OPLAH: variants seen among roughly 807,000 people sequenced by gnomAD.
OPLAH encodes the protein 5-oxoprolinase.
Under a neutral mutation model 122.8 loss-of-function variants are expected in OPLAH, and 103 were observed. That is an observed-to-expected ratio of 0.84 (90% CI 0.71 to 0.99). The LOEUF (loss-of-function observed/expected upper bound fraction) is 0.99, where lower values mean the gene tolerates loss of function less well. Among genes scored for constraint, OPLAH ranks in the 50% least tolerant of loss-of-function variants. The pLI is 0.00. For synonymous variants in OPLAH, 875 were observed against 796.0 expected, an observed-to-expected ratio of 1.10 and a Z score of -1.67; for missense variants, 1,902 against 1,836.5, an observed-to-expected ratio of 1.04 and a Z score of -0.65.
chr8:144,055,747 C>CCACAGGGAGCCT lies in OPLAH; in HGVS notation c.2248+40_2248+41insAGGCTCCCTGTG. 1 of 1,463,738 alleles carries CCACAGGGAGCCT rather than the reference C, an allele frequency of 6.8e-7. No individual in the cohort carries two copies. Among genetic ancestry groups the CCACAGGGAGCCT allele is most frequent in the Non-Finnish European group, 9.1e-7 (1 of 1,101,186 alleles). 90.7% of individuals were successfully genotyped at this position (1,463,738 alleles called of 1,614,324 possible). On this transcript the variant is annotated intron_variant, in intron 16 of 26. Coordinates refer to ENST00000618853, the MANE Select transcript of OPLAH (RefSeq NM_017570.5). The surrounding 1 kb of genome is among the most constrained non-coding windows in gnomAD (Gnocchi z 6.5). ...CCTGCCAGCTACCCCATGACACAGC[C>CCACAGGGAGCCT]GGCGCCTCATCCCACAGGGAGCCTG...
In OPLAH at chr8:144,053,144, G is replaced by T; in HGVS notation, c.2872-15C>A. ...TCAGCGTTTGCCTGGCAGGGAGCAG[G>T]ATCAGTGGTGGCCAGGTCACCTGCA... On this transcript the variant is annotated splice_polypyrimidine_tract_variant and intron_variant, in intron 20 of 26. Coordinates refer to ENST00000618853, the MANE Select transcript of OPLAH (RefSeq NM_017570.5). The T allele has an allele frequency of 6.2e-7, 1 of 1,607,660 alleles. No individual in the cohort carries two copies. Among genetic ancestry groups the T allele is most frequent in the Non-Finnish European group, 8.5e-7 (1 of 1,177,718 alleles).
chr8:144,057,619 TG>T lies in OPLAH; in HGVS notation c.1250del (p.Pro417HisfsTer22). 1 of 1,594,148 alleles carries T rather than the reference TG, an allele frequency of 6.3e-7. No homozygotes were observed. The highest frequency in any genetic ancestry group is 8.6e-7 in the Non-Finnish European group (1 of 1,169,580). Reference sequence around the variant, plus strand: ...CTTTGCGGGAGGCCTCAGGGGAAAGTGGTTGGTTCTCTCCCGGCCCAAAAAT... The same window carrying T: ...CTTTGCGGGAGGCCTCAGGGGAAAGTGTTGGTTCTCTCCCGGCCCAAAAAT... The part of the protein sequence containing the change: ...PCIFGPGENQ[P>X]LSPEASRKAL... On this transcript the variant is annotated frameshift_variant, in exon 10 of 27. Transcript: ENST00000618853. LOFTEE classifies it high-confidence loss of function.
chr8:144,051,681 CGGGAGGGGAGGGGAG>C, intron 26 of OPLAH, 33 bp downstream of exon 26: 1 of 1,058,270 alleles, frequency 9.4e-7, no homozygotes, highest in Non-Finnish European at 1.3e-6. Context: ...GGGATGGGGC[CGGGAGGGGAGGGGAG>C]GGGAGGGGGA....
Position 144,053,301 on chromosome 8 carries a change from C to G in OPLAH, c.2779G>C (p.Val927Leu), listed in dbSNP as rs782641145. 6.2e-7 allele frequency: 1 copy of G among 1,613,050 alleles called. No individual in the cohort carries two copies. Among genetic ancestry groups the G allele is most frequent in the South Asian group, 1.1e-5 (1 of 91,082 alleles). The part of the protein sequence containing the change: ...HDNLSDLRAQ[V>L]AANQKGIQLV... ...TGGATGCCCTTCTGGTTGGCTGCCA[C>G]CTGGGCACGGAGGTCCGACAGGTTG... Residue 927 changes from valine (V) to leucine (L), a missense_variant, in exon 20 of 27, where the codon GTG becomes CTG. Transcript: ENST00000618853.
In OPLAH at chr8:144,055,459, C is replaced by G. The variant is rs1200750713; in HGVS notation, c.2249-270G>C. Among the ~76,000 whole-genome samples, 3 of 152,052 alleles carry G rather than the reference C, an allele frequency of 2.0e-5. No individual in the cohort carries two copies. The highest frequency in any genetic ancestry group is 4.4e-5 in the Non-Finnish European group (3 of 67,978). ...CCCACCCTGCCTGGCACAGCAAGAACCTGGTTCCTAGGCTCTTGACCTCTG... is the reference window on the plus strand; with the variant it reads ...CCCACCCTGCCTGGCACAGCAAGAAGCTGGTTCCTAGGCTCTTGACCTCTG... On this transcript the variant is annotated intron_variant, in intron 16 of 26. Transcript: ENST00000618853. The surrounding 1 kb of genome is among the most constrained non-coding windows in gnomAD (Gnocchi z 6.5).
Position 144,059,948 on chromosome 8 carries a change from G to GC in OPLAH, c.84dup (p.His29AlafsTer92). Reference sequence around the variant, plus strand: ...GAGAGCAGTTTTAAGACCCGCACGTGCCCCCCTGGGCACTGGGCAAAGACG... The same window carrying GC: ...GAGAGCAGTTTTAAGACCCGCACGTGCCCCCCCTGGGCACTGGGCAAAGACG... On this transcript the variant is annotated frameshift_variant, in exon 2 of 27. Coordinates refer to ENST00000618853, the MANE Select transcript of OPLAH (RefSeq NM_017570.5). LOFTEE classifies it high-confidence loss of function. 3 of 1,612,790 alleles carry GC rather than the reference G, an allele frequency of 1.9e-6. No individual in the cohort carries two copies. The highest frequency in any genetic ancestry group is 2.5e-6 in the Non-Finnish European group (3 of 1,179,842).
rs782344384 is a variant in OPLAH at position 144,051,356 on chromosome 8, A to T, written c.3837T>A (p.Tyr1279Ter). ...ALAFPEHGSV[Y>*]EYRRAQEAV ...CGGCCTCCTGGGCCCGGCGATACTC[A>T]TAGACGCTGCCGTGCTCGGGAAAGG... The change falls in exon 27 of 27, where the codon TAT (tyrosine) becomes TAA (stop). Residue 1279 changes from tyrosine to a stop codon, truncating the protein, a stop_gained. Transcript: ENST00000618853. LOFTEE classifies it high-confidence loss of function. 1.2e-6 allele frequency: 2 copies of T among 1,610,874 alleles called. No homozygotes were observed. Among genetic ancestry groups the T allele is most frequent in the Non-Finnish European group, 1.7e-6 (2 of 1,179,036 alleles).
chr8:144,054,520 C>T, intron 19 of OPLAH, 41 bp downstream of exon 19: 1 of 1,531,596 alleles, frequency 6.5e-7, no homozygotes, highest in East Asian at 2.3e-5. Flanking sequence ...GGCCATGTGT[C>T]CCAGCCTACA....
At position 144,056,713 on chromosome 8, in the gene OPLAH, C is replaced by G; in HGVS notation, c.1749G>C (p.Gln583His). 1 of 1,611,238 alleles carries G rather than the reference C, an allele frequency of 6.2e-7. No homozygotes were observed. The highest frequency in any genetic ancestry group is 8.5e-7 in the Non-Finnish European group (1 of 1,179,324). Residue 583 changes from glutamine (Q) to histidine (H), a missense_variant, in exon 13 of 27, where the codon CAG (glutamine) becomes CAC (histidine). Coordinates refer to ENST00000618853, the MANE Select transcript of OPLAH (RefSeq NM_017570.5). ...ACACCATCAGAGCACAGTCCGTGCCCTGGTAGCGCAGGTGCAGGAAGCTCT... is the reference window on the plus strand; with the variant it reads ...ACACCATCAGAGCACAGTCCGTGCCGTGGTAGCGCAGGTGCAGGAAGCTCT... ...STESFLHLRY[Q>H]GTDCALMVSA...
chr8:144,053,277 G>T lies in OPLAH; in HGVS notation c.2803C>A (p.Gln935Lys), dbSNP rs1369379531. ...AQVAANQKGIQLVGELIGQYG... is the reference protein window; with the variant it reads ...AQVAANQKGIKLVGELIGQYG... Reference sequence around the variant, plus strand: ...TGCCCAATGAGCTCCCCCACCAGCTGGATGCCCTTCTGGTTGGCTGCCACC... The same window carrying T: ...TGCCCAATGAGCTCCCCCACCAGCTTGATGCCCTTCTGGTTGGCTGCCACC... Residue 935 changes from glutamine to lysine, a missense_variant, in exon 20 of 27, where the codon CAG becomes AAG. Around this residue, in one of 3 missense-constraint regions of OPLAH, gnomAD observed 1,726 missense variants for 1,642.1 expected, o/e 1.05. Transcript: ENST00000618853. The T allele has an allele frequency of 6.2e-7, 1 of 1,612,974 alleles. No individual in the cohort carries two copies. Among genetic ancestry groups the T allele is most frequent in the Non-Finnish European group, 8.5e-7 (1 of 1,179,842 alleles).
intron 13 of OPLAH, 41 bp downstream of exon 13, chr8:144,056,577 A>AGGGCCCC: frequency 6.2e-7 from 1 of 1,612,298 alleles, no homozygotes; most frequent in Non-Finnish European, 8.5e-7. Context: ...GCCAGACAGG[A>AGGGCCCC]GGGCCCCTTG....
Position 144,051,443 on chromosome 8 carries a change from G to A in OPLAH, c.3750C>T (p.Gly1250=), listed in dbSNP as rs1835372210. ...GGTCCTCCGGGTCCCCATAGCCACC[G>A]CCGCCGGGCGTGTGGAGACAGAACA... ...GDVFCLHTPG[G]GGYGDPEDPA... is the part of the protein sequence containing the mutation. Residue 1250 remains glycine (G), a synonymous_variant, in exon 27 of 27, where the codon GGC becomes GGT. Coordinates refer to ENST00000618853, the MANE Select transcript of OPLAH (RefSeq NM_017570.5). 6.5e-7 allele frequency: 1 copy of A among 1,548,574 alleles called. No homozygotes were observed. The highest frequency in any genetic ancestry group is 8.7e-7 in the Non-Finnish European group (1 of 1,153,942).
chr8:144,061,613 C>T (rs782662086), upstream of OPLAH, among the ~76,000 whole-genome samples: 1 of 152,220 alleles, frequency 6.6e-6, no homozygotes, highest in South Asian at 2.1e-4. Context: ...CTCCCCGCAG[C>T]GCCATGGCGG....
intron 22 of OPLAH, 82 bp from the exon 23 acceptor site, chr8:144,052,680 T>A (rs1229821952): frequency 5.3e-6 from 8 of 1,523,242 alleles, no homozygotes; most frequent in Non-Finnish European, 6.2e-6. Flanking sequence ...CCAGCACCCG[T>A]GGGGTCAGAC....
At position 144,051,958 on chromosome 8, in the gene OPLAH, C is replaced by T. The variant is rs782448659; in HGVS notation, c.3580G>A (p.Val1194Met). 3 of 1,565,440 alleles carry T rather than the reference C, an allele frequency of 1.9e-6. No homozygotes were observed. The African/African-American group carries it at 4.1e-5, about 21-fold the overall frequency. ...LLFREEALLSVLTERRAFRPY... is the reference protein window; with the variant it reads ...LLFREEALLSMLTERRAFRPY... ...CGGAAGGCGCGGCGCTCGGTCAGCA[C>T]TGACAGCAGCGCCTCCTCACGAAAG... The change falls in exon 25 of 27, where the codon GTG (valine) becomes ATG (methionine). Residue 1194 changes from valine to methionine, a missense_variant. Val to Met is a conservative substitution (Grantham distance 21). Around this residue, in one of 3 missense-constraint regions of OPLAH, gnomAD observed 1,726 missense variants for 1,642.1 expected, o/e 1.05. Transcript: ENST00000618853.
chr8:144,059,082 G>A lies in OPLAH; in HGVS notation c.364-3C>T. 6.4e-7 allele frequency: 1 copy of A among 1,573,024 alleles called. No homozygotes were observed. Among genetic ancestry groups the A allele is most frequent in the Non-Finnish European group, 8.6e-7 (1 of 1,161,314 alleles). On this transcript the variant is annotated splice_polypyrimidine_tract_variant and splice_region_variant and intron_variant, in intron 3 of 26. Transcript: ENST00000618853. ...AGCACCTCAGGCATGGGCACGGCCT[G>A]GGGGCGGGCAGAGACTCAGAAGAGG...
In OPLAH at chr8:144,051,917, G is replaced by T. The variant is rs960314312; in HGVS notation, c.3621C>A (p.His1207Gln). 2.6e-6 allele frequency: 4 copies of T among 1,532,584 alleles called. No homozygotes were observed. The African/African-American group carries it at 5.5e-5, about 21-fold the overall frequency. 94.9% of individuals were successfully genotyped at this position (1,532,584 alleles called of 1,614,324 possible). A position where few individuals can be genotyped will look rare whatever the true frequency, so the allele number is the denominator to read the frequency against. The change falls in exon 25 of 27, where the codon CAC becomes CAA. Residue 1207 changes from histidine to glutamine, a missense_variant and splice_region_variant. Transcript: ENST00000618853. ...ERRAFRPYGL[H>Q]GGEPGARGLN... is the part of the protein sequence containing the mutation. Reference sequence around the variant, plus strand: ...CGCGAGGGCTGGGGAACCGCGCACCGTGGAGCCCGTATGGCCGGAAGGCGC... The same window carrying T: ...CGCGAGGGCTGGGGAACCGCGCACCTTGGAGCCCGTATGGCCGGAAGGCGC...
Position 144,051,714 on chromosome 8 carries a change from G to C in OPLAH, c.3720+15C>G. 6.3e-7 allele frequency: 1 copy of C among 1,582,932 alleles called. No individual in the cohort carries two copies. Among genetic ancestry groups the C allele is most frequent in the Non-Finnish European group, 8.6e-7 (1 of 1,166,510 alleles). ...GAGGGGAGGGGAGGGGGACAGGACA[G>C]GCCGCGGCCCTTACCCCGGGGTACA... On this transcript the variant is annotated intron_variant, in intron 26 of 26. Coordinates refer to ENST00000618853, the MANE Select transcript of OPLAH (RefSeq NM_017570.5).
At chr8:144,054,353 G>A (rs963705490) in intron 19 of OPLAH, among the ~76,000 whole-genome samples, 3 of 152,074 alleles carry the variant, frequency 2.0e-5, no homozygotes, top group Admixed American at 6.5e-5. Flanking sequence ...ACCACCCCTC[G>A]GGAGGCCTTC....
Sources: allele counts gnomAD v4.1 joint callset (sites outside exome capture counted in the v4.1 genomes callset), GRCh38; gene constraint gnomAD v4.1.1; regional missense constraint gnomAD v4.1.1; non-coding constraint Gnocchi (gnomAD v3.1); transcripts MANE v1.5; gene names NCBI Gene and HGNC (gene_info 2026-07-23, HGNC 2026-07-21).